Variants in TBC1D2B observed in about 807,000 individuals in gnomAD.
TBC1D2B encodes the protein TBC1 domain family, member 2B.
In TBC1D2B, 64 loss-of-function variants were observed where a neutral mutation model predicts 100.8. That is an observed-to-expected ratio of 0.64 (90% CI 0.52 to 0.78). The LOEUF (loss-of-function observed/expected upper bound fraction) is 0.78, where lower values mean the gene tolerates loss of function less well. Among genes scored for constraint, TBC1D2B ranks in the 30% least tolerant of loss-of-function variants. The probability of loss-of-function intolerance (pLI) is 0.00; values close to 1 mark genes in which losing one functional copy is unlikely to be tolerated. For synonymous variants in TBC1D2B, 480 were observed against 479.7 expected, an observed-to-expected ratio of 1.00 and a Z score of -0.01; for missense variants, 1,052 against 1,218.4, an observed-to-expected ratio of 0.86 and a Z score of 2.03.
At chr15:78,049,492 T>G (rs1346064326) in intron 2 of TBC1D2B, among the ~76,000 whole-genome samples, 5 of 151,992 alleles carry the variant, frequency 3.3e-5, no homozygotes, top group Non-Finnish European at 5.9e-5. Flanking sequence ...GACTTTCCTC[T>G]CTCCTGCCAC....
chr15:78,044,969 T>C lies in TBC1D2B; in HGVS notation c.614A>G (p.Asn205Ser). 1 of 1,613,870 alleles carries C rather than the reference T, an allele frequency of 6.2e-7. No homozygotes were observed. Among genetic ancestry groups the C allele is most frequent in the Non-Finnish European group, 8.5e-7 (1 of 1,179,818 alleles). The change falls in exon 3 of 13, where the codon AAT becomes AGT. Residue 205 changes from asparagine (N) to serine (S), a missense_variant. Transcript: ENST00000300584. The stretch of plus-strand genomic sequence containing the variant: ...ATTTGGATGCCCTGGGGCGGGCTGA[T>C]TTGCAGCTTGTTCTCCCACCAGCTC... ...PGELVGEQAA[N>S]QPAPGHPNSI...
intron 1 of TBC1D2B, among the ~76,000 whole-genome samples, chr15:78,056,005 A>G (rs946201346): frequency 6.6e-6 from 1 of 152,246 alleles, no homozygotes; most frequent in Non-Finnish European, 1.5e-5. Context: ...CACCTGCCAT[A>G]GGCAGGTTCA....
intron 8 of TBC1D2B, among the ~76,000 whole-genome samples, chr15:78,014,462 G>A (rs978928158): frequency 1.3e-5 from 2 of 152,180 alleles, no homozygotes; most frequent in South Asian, 2.1e-4. Flanking sequence ...ACTCTCTCAC[G>A]TGGGCACATG....
chr15:77,999,258 C>A, intron 12 of TBC1D2B: 1 of 453,916 alleles, frequency 2.2e-6, no homozygotes, highest in South Asian at 1.6e-5. Flanking sequence ...AACAGAAATG[C>A]CCCGAAGGAC....
rs200603362 is a variant in TBC1D2B, at chr15:78,030,112, A to C, written c.742T>G (p.Phe248Val). The C allele has an allele frequency of 6.2e-7, 1 of 1,613,936 alleles. No individual in the cohort carries two copies. The highest frequency in any genetic ancestry group is 8.5e-7 in the Non-Finnish European group (1 of 1,179,832). ...RGHNDSRRTV[F>V]YTNEEWELLD... ...AGTTCCCACTCTTCATTGGTATAAA[A>C]CACAGTCCTCCGACTATCATTATGT... The change falls in exon 4 of 13, where the codon TTT becomes GTT. Residue 248 changes from phenylalanine (F) to valine (V), a missense_variant. Around this residue, in one of 4 missense-constraint regions of TBC1D2B, gnomAD observed 627 missense variants for 646.1 expected, o/e 0.97. Coordinates refer to ENST00000300584, the MANE Select transcript of TBC1D2B (RefSeq NM_144572.2).
Position 78,047,372 on chromosome 15 carries a change from G to A in TBC1D2B, c.515-2304C>T, listed in dbSNP as rs574462657. On this transcript the variant is annotated intron_variant, in intron 2 of 12. Transcript: ENST00000300584. ...AATGAGACAGAGCTTTCCCCGTAAAGGAGAACACATCCAGGAGAGAGACAT... is the reference window on the plus strand; with the variant it reads ...AATGAGACAGAGCTTTCCCCGTAAAAGAGAACACATCCAGGAGAGAGACAT... Among the ~76,000 whole-genome samples, 361 of 152,218 alleles carry A rather than the reference G, an allele frequency of 2.4e-3. 1 individual carries two copies. The highest frequency in any genetic ancestry group is 8.2e-3 in the African/African-American group (341 of 41,534).
intron 1 of TBC1D2B, among the ~76,000 whole-genome samples, chr15:78,066,718 G>C (rs772027314): frequency 3.9e-5 from 6 of 152,222 alleles, no homozygotes; most frequent in Non-Finnish European, 5.9e-5. Context: ...TATAAAAAGT[G>C]GTTCACTTCT....
intron 1 of TBC1D2B, among the ~76,000 whole-genome samples, chr15:78,076,267 G>C (rs1335174901): frequency 1.3e-5 from 2 of 152,174 alleles, no homozygotes; most frequent in Admixed American, 1.3e-4. Flanking sequence ...AGGATTAAGG[G>C]AGCCTCAAAG....
At chr15:78,043,081 T>C (rs1215726122) in intron 3 of TBC1D2B, among the ~76,000 whole-genome samples, 1 of 152,108 alleles carries the variant, frequency 6.6e-6, no homozygotes, top group Non-Finnish European at 1.5e-5. Flanking sequence ...CCTATATATA[T>C]CCTATATATC....
At chr15:78,052,260 T>C (rs1336161977) in intron 2 of TBC1D2B, among the ~76,000 whole-genome samples, 2 of 152,158 alleles carry the variant, frequency 1.3e-5, no homozygotes, top group Non-Finnish European at 2.9e-5. Flanking sequence ...TTAGATGCAC[T>C]TCCTCAGAGA....
rs2141658203 is a variant in TBC1D2B at position 78,013,074 on chromosome 15, C to T, written c.2019G>A (p.Lys673=). 1.2e-6 allele frequency: 2 copies of T among 1,614,034 alleles called. No individual in the cohort carries two copies. Among genetic ancestry groups the T allele is most frequent in the South Asian group, 2.2e-5 (2 of 91,088 alleles). Residue 673 remains lysine (K), a synonymous_variant, in exon 9 of 13, where the codon AAG becomes AAA. Transcript: ENST00000300584. ...TCCTGGTGTGACGGTCCACACACCACTTCCACACCTTGGAACGGTGCTCGT... is the reference window on the plus strand; with the variant it reads ...TCCTGGTGTGACGGTCCACACACCATTTCCACACCTTGGAACGGTGCTCGT... ...IPHEHRSKVW[K]WCVDRHTRKF...
At chr15:78,062,450 A>G (rs975433082) in intron 1 of TBC1D2B, among the ~76,000 whole-genome samples, 3 of 152,220 alleles carry the variant, frequency 2.0e-5, no homozygotes, top group Non-Finnish European at 4.4e-5. Flanking sequence ...GATCCCATTA[A>G]TCTTTAGTTT....
rs530181679 is a variant in TBC1D2B, at chr15:78,029,952, G to T, written c.847+55C>A. The stretch of plus-strand genomic sequence containing the variant: ...CTAATAATGTGTCTCCACATCACTG[G>T]TGGTTAACAGATGGCAGTACAGAGA... On this transcript the variant is annotated intron_variant, in intron 4 of 12. Transcript: ENST00000300584. 163 of 1,449,302 alleles carry T rather than the reference G, an allele frequency of 1.1e-4. No individual in the cohort carries two copies. The African/African-American group carries it at 2.2e-3, about 19-fold the overall frequency. 89.8% of individuals were successfully genotyped at this position (1,449,302 alleles called of 1,614,324 possible).
chr15:78,027,888 C>T (rs1012371497), intron 4 of TBC1D2B, among the ~76,000 whole-genome samples: 4 of 152,290 alleles, frequency 2.6e-5, no homozygotes, highest in East Asian at 3.9e-4. Context: ...GGTAATTCAG[C>T]ACATTCAGTG....
chr15:78,073,448 C>G (rs2073771209), intron 1 of TBC1D2B, among the ~76,000 whole-genome samples: 1 of 152,090 alleles, frequency 6.6e-6, no homozygotes, highest in African/African-American at 2.4e-5. Flanking sequence ...AAATTATATA[C>G]CACTAGCTGA....
intron 1 of TBC1D2B, 130 bp from the exon 2 acceptor site, chr15:78,054,317 C>T (rs768395562): frequency 3.3e-6 from 3 of 917,094 alleles, no homozygotes; most frequent in Non-Finnish European, 4.5e-6. Flanking sequence ...AAGGAAACTT[C>T]AGTTACAAGA....
intron 4 of TBC1D2B, 64 bp from the exon 5 acceptor site, chr15:78,025,561 C>A: frequency 1.6e-6 from 2 of 1,288,498 alleles, no homozygotes; most frequent in South Asian, 1.7e-5. Flanking sequence ...GAGTGTCGGT[C>A]TGTCGCCCAG....
intron 6 of TBC1D2B, 112 bp from the exon 7 acceptor site, chr15:78,018,069 TAGAGTAAGTTCTAA>T: frequency 7.1e-6 from 4 of 563,644 alleles, no homozygotes; most frequent in Middle Eastern, 3.7e-4. Flanking sequence ...CCTGCTAAGT[TAGAGTAAGTTCTAA>T]AGAACTAGAA....
Position 78,003,484 on chromosome 15 carries a change from G to T in TBC1D2B, c.2395C>A (p.Gln799Lys). ...CTCATAAGGTCTCTGAACACCCGCT[G>T]GTCCACCTGGAGAGGGAACAAAGGG... ...TKTLLGSQVD[Q>K]RVFRDLMSEK... Residue 799 changes from glutamine (Q) to lysine (K), a missense_variant, in exon 11 of 13, where the codon CAG becomes AAG. Transcript: ENST00000300584. The T allele has an allele frequency of 6.2e-7, 1 of 1,607,120 alleles. No individual in the cohort carries two copies. Among genetic ancestry groups the T allele is most frequent in the Non-Finnish European group, 8.5e-7 (1 of 1,174,128 alleles).
Sources: gnomAD v4.1 joint callset for allele counts (sites outside exome capture counted in the v4.1 genomes callset) on GRCh38, gnomAD v4.1.1 for gene constraint, gnomAD v4.1.1 regional missense constraint, MANE v1.5 for transcripts, NCBI Gene and HGNC (gene_info 2026-07-23, HGNC 2026-07-21) for gene names.